The following IFNAR2 variants were observed in gnomAD, a reference collection of about 807,000 sequenced individuals.
IFNAR2 encodes the protein interferon alpha and beta receptor subunit 2.
Under a neutral mutation model 49.4 loss-of-function variants are expected in IFNAR2, and 30 were observed. The observed-to-expected ratio is 0.61, with a 90% CI of 0.45 to 0.82. The LOEUF (loss-of-function observed/expected upper bound fraction) is 0.82, where lower values mean the gene tolerates loss of function less well. Ranked by LOEUF, IFNAR2 falls within the 40% of genes least tolerant of loss-of-function variation. IFNAR2 has a pLI of 0.00. For missense variants in IFNAR2, 600 were observed against 622.7 expected, an observed-to-expected ratio of 0.96 and a Z score of 0.39; for synonymous variants, 224 against 234.5, an observed-to-expected ratio of 0.96 and a Z score of 0.41.
intron 7 of IFNAR2, among the ~76,000 whole-genome samples, chr21:33,258,468 AAGG>A (rs1473233315): frequency 6.6e-6 from 1 of 152,212 alleles, no homozygotes; most frequent in East Asian, 1.9e-4. Context: ...GAGCCTCCAT[AAGG>A]AGTTCAGTCC....
rs765672736 is a variant in IFNAR2, at chr21:33,263,167, T to C, written c.1215T>C (p.Pro405=). 2 of 1,614,116 alleles carry C rather than the reference T, an allele frequency of 1.2e-6. No homozygotes were observed. The highest frequency in any genetic ancestry group is 1.1e-5 in the South Asian group (1 of 91,084). The change falls in exon 9 of 9, where the codon CCT becomes CCC. Residue 405 remains proline, a synonymous_variant. Transcript: ENST00000342136. The stretch of plus-strand genomic sequence containing the variant: ...GGAGAAAGAGTCCACTCCAGGACCC[T>C]TTTCCCGAAGAGGACTACAGCTCCA... ...CERRKSPLQD[P]FPEEDYSSTE...
intron 2 of IFNAR2, among the ~76,000 whole-genome samples, chr21:33,243,374 C>T (rs769249053): frequency 3.3e-5 from 5 of 152,162 alleles, no homozygotes; most frequent in East Asian, 1.9e-4. Flanking sequence ...TGAGCCACGA[C>T]GCCCGGCCCC....
intron 6 of IFNAR2, among the ~76,000 whole-genome samples, chr21:33,250,258 A>G (rs114524183): frequency 4.2e-4 from 64 of 152,262 alleles, no homozygotes; most frequent in African/African-American, 1.5e-3. Context: ...ATCTGTTTCA[A>G]TCATGTCTCG....
chr21:33,248,981 C>T (rs915755088), intron 6 of IFNAR2, 127 bp downstream of exon 6: 41 of 667,666 alleles, frequency 6.1e-5, no homozygotes, highest in African/African-American at 1.5e-4. Context: ...CAGTATGGTC[C>T]GACTTAGGGA....
chr21:33,261,928 G>A lies in IFNAR2; in HGVS notation c.841-865G>A, dbSNP rs951389499. Reference sequence around the variant, plus strand: ...TAAAGAAGCAGCCAAAGGAGAGGAAGTTAAGAGGAGTAAGTCAGAACATAG... The same window carrying A: ...TAAAGAAGCAGCCAAAGGAGAGGAAATTAAGAGGAGTAAGTCAGAACATAG... On this transcript the variant is annotated intron_variant, in intron 8 of 8. Transcript: ENST00000342136. 3.9e-5 allele frequency among the ~76,000 whole-genome samples: 6 copies of A among 152,080 alleles called. No homozygotes were observed. In the East Asian group the frequency reaches 5.8e-4, roughly 15 times the overall value.
chr21:33,232,969 A>G, intron 1 of IFNAR2: 1 of 981,726 alleles, frequency 1.0e-6, no homozygotes, highest in South Asian at 4.7e-5. Context: ...GGATTGCAAG[A>G]CGTCTTACTA....
chr21:33,248,909 C>CTTGACTGTCT, intron 6 of IFNAR2, 55 bp downstream of exon 6: 1 of 1,234,444 alleles, frequency 8.1e-7, no homozygotes, highest in East Asian at 2.5e-5. Flanking sequence ...AATCAATGCA[C>CTTGACTGTCT]TTGACTGTCT....
intron 7 of IFNAR2, among the ~76,000 whole-genome samples, chr21:33,260,252 C>T (rs1988475168): frequency 6.6e-6 from 1 of 152,160 alleles, no homozygotes; most frequent in South Asian, 2.1e-4. Context: ...GGCTACCGAA[C>T]GTTTGAGATG....
chr21:33,240,302 T>C (rs1829058449), intron 1 of IFNAR2, among the ~76,000 whole-genome samples: 2 of 152,362 alleles, frequency 1.3e-5, no homozygotes, highest in Non-Finnish European at 2.9e-5. Flanking sequence ...TTGCAACTGC[T>C]TACAGTATTC....
intron 1 of IFNAR2, among the ~76,000 whole-genome samples, chr21:33,238,553 CCTTT>C (rs1986658999): frequency 6.6e-6 from 1 of 152,160 alleles, no homozygotes; most frequent in Non-Finnish European, 1.5e-5. Context: ...TTGAAGAACT[CCTTT>C]CTCACCTTGG....
At position 33,265,024 on chromosome 21, in the gene IFNAR2, T is replaced by G. The variant is rs1988876231; in HGVS notation, c.*1524T>G. 1 of 152,178 alleles carries G rather than the reference T, an allele frequency of 6.6e-6. No homozygotes were observed. The highest frequency in any genetic ancestry group is 1.5e-5 in the Non-Finnish European group (1 of 68,064). The allele number at this position is 152,178 out of a possible 1,614,324, so 9.4% of individuals were successfully genotyped here. ...GAGTTGGTGGGGAGAGGTTCTAGAA[T>G]GTCATGTAGCAACCAGTTTAAGGAC... On this transcript the variant is annotated 3_prime_UTR_variant, in exon 9 of 9. Transcript: ENST00000342136.
intron 5 of IFNAR2, among the ~76,000 whole-genome samples, chr21:33,247,579 C>T (rs958654971): frequency 1.3e-5 from 2 of 152,144 alleles, no homozygotes; most frequent in Non-Finnish European, 2.9e-5. Context: ...GCAACTCCAC[C>T]CCCTCATTAT....
intron 1 of IFNAR2, among the ~76,000 whole-genome samples, chr21:33,235,113 A>G (rs922948184): frequency 6.6e-6 from 1 of 152,196 alleles, no homozygotes; most frequent in Admixed American, 6.5e-5. Context: ...GCATGCTAAT[A>G]TATTGTAATT....
At position 33,246,841 on chromosome 21, in the gene IFNAR2, G is replaced by A. The variant is rs751684209; in HGVS notation, c.345G>A (p.Gly115=). 1 of 1,614,218 alleles carries A rather than the reference G, an allele frequency of 6.2e-7. No homozygotes were observed. The highest frequency in any genetic ancestry group is 8.5e-7 in the Non-Finnish European group (1 of 1,180,032). The part of the protein sequence containing the change: ...AYVTVLEGFS[G]NTTLFSCSHN... The stretch of plus-strand genomic sequence containing the variant: ...TCACCGTCCTAGAAGGATTCAGCGG[G>A]AACACAACGTTGTTCAGTTGCTCAC... The change falls in exon 5 of 9, where the codon GGG becomes GGA. Residue 115 remains glycine (G), a synonymous_variant. Transcript: ENST00000342136.
chr21:33,236,800 G>A (rs1986497059), intron 1 of IFNAR2: 1 of 983,416 alleles, frequency 1.0e-6, no homozygotes. Flanking sequence ...ATAGCCACAG[G>A]AGAACCTCAA....
chr21:33,236,877 C>A lies in IFNAR2; in HGVS notation c.-83-4963C>A, dbSNP rs984924350. 4.1e-6 allele frequency: 4 copies of A among 985,180 alleles called. No homozygotes were observed. In the African/African-American group the frequency reaches 7.0e-5, roughly 17 times the overall value. 61.0% of individuals were successfully genotyped at this position (985,180 alleles called of 1,614,324 possible). A position where few individuals can be genotyped will look rare whatever the true frequency, so the allele number is the denominator to read the frequency against. ...TGAGACTAGCCCTGTTGACAGGAGC[C>A]ATGCTTTAGGAAGACTGATCTATTT... On this transcript the variant is annotated intron_variant, in intron 1 of 8. Transcript: ENST00000342136.
intron 7 of IFNAR2, among the ~76,000 whole-genome samples, chr21:33,255,736 C>T (rs1988166207): frequency 6.6e-6 from 1 of 152,168 alleles, no homozygotes; most frequent in South Asian, 2.1e-4. Flanking sequence ...ACTCAGTCTC[C>T]AGCCCACTCC....
chr21:33,243,604 T>C, intron 2 of IFNAR2, 69 bp from the exon 3 acceptor site: 1 of 1,329,116 alleles, frequency 7.5e-7, no homozygotes, highest in Non-Finnish European at 1.1e-6. Context: ...AATGTCAGAC[T>C]TAGAGTAATC....
chr21:33,239,523 T>G (rs926891745), intron 1 of IFNAR2, among the ~76,000 whole-genome samples: 1 of 151,864 alleles, frequency 6.6e-6, no homozygotes, highest in East Asian at 1.9e-4. Context: ...TGTTGTGAGC[T>G]GCAGGTTCTG....
Sources: allele counts gnomAD v4.1 joint callset (sites outside exome capture counted in the v4.1 genomes callset), GRCh38; gene constraint gnomAD v4.1.1; transcripts MANE v1.5; gene names NCBI Gene and HGNC (gene_info 2026-07-23, HGNC 2026-07-21).